Variants in PYCR2 observed in about 807,000 individuals in gnomAD.
PYCR2 encodes the protein P5C reductase 2.
Under a neutral mutation model 23.4 loss-of-function variants are expected in PYCR2, and 17 were observed. The ratio of observed to expected loss-of-function variants is 0.73; its 90% CI spans 0.50 to 1.09. The LOEUF (loss-of-function observed/expected upper bound fraction) is 1.09. PYCR2 is among the 50% of genes least tolerant of loss of function. The pLI is 0.00. For missense variants in PYCR2, 380 were observed against 423.5 expected, an observed-to-expected ratio of 0.90 and a Z score of 0.90; for synonymous variants, 172 against 176.6, an observed-to-expected ratio of 0.97 and a Z score of 0.21.
intron 3 of PYCR2, 22 bp downstream of exon 3, chr1:225,922,182 G>C (rs377019441): frequency 1.4e-5 from 23 of 1,609,164 alleles, no homozygotes; most frequent in Admixed American, 1.2e-4. Flanking sequence ...CACACAAGGG[G>C]CATCAGGGCT....
intron 2 of PYCR2, 54 bp from the exon 3 acceptor site, chr1:225,922,437 G>C (rs1671868471): frequency 6.4e-7 from 1 of 1,566,698 alleles, no homozygotes; most frequent in Non-Finnish European, 8.7e-7. Context: ...CTATGCCAAG[G>C]CCTCCCAGGG....
In PYCR2 at chr1:225,921,606, C is replaced by T. The variant is rs1671841865; in HGVS notation, c.579G>A (p.Val193=). The change falls in exon 5 of 7, where the codon GTG becomes GTA. Residue 193 remains valine, a synonymous_variant. Coordinates refer to ENST00000343818, the MANE Select transcript of PYCR2 (RefSeq NM_013328.4). This position sits in a 1 kb window ranked among gnomAD's most constrained non-coding sequence, Gnocchi z 4.2. ...CCAGGCGCCGTGGCAAACCCATCTT[C>T]ACCCCACCATCAGCCAATGCGTCCA... The part of the protein sequence containing the change: ...MALDALADGG[V]KMGLPRRLAI... 1.9e-6 allele frequency: 3 copies of T among 1,614,114 alleles called. No individual in the cohort carries two copies. The highest frequency in any genetic ancestry group is 3.3e-5 in the Admixed American group (2 of 60,002).
chr1:225,921,975 G>T lies in PYCR2; in HGVS notation c.423C>A (p.Ala141=). ...CCAGGAGCTGCCCATCCTCCACCAG[G>T]GCATGGGTGCCCGTGGCGTACACTG... ...GATVYATGTH[A]LVEDGQLLEQ... The change falls in exon 4 of 7, where the codon GCC becomes GCA. Residue 141 remains alanine, a synonymous_variant. Transcript: ENST00000343818. The surrounding 1 kb of genome is among the most constrained non-coding windows in gnomAD (Gnocchi z 4.2). 4.3e-6 allele frequency: 7 copies of T among 1,614,144 alleles called. No individual in the cohort carries two copies. Among genetic ancestry groups the T allele is most frequent in the Non-Finnish European group, 5.1e-6 (6 of 1,180,014 alleles).
rs901547800 is a variant in PYCR2, at chr1:225,920,017, G to A, written c.*438C>T. On this transcript the variant is annotated 3_prime_UTR_variant, in exon 7 of 7. Transcript: ENST00000343818. ...TTGTGATTAATTGTGACAATCTTAA[G>A]TTGCTCACTTCTTTCCCATTTACCA... is the stretch of plus-strand genomic sequence containing the variant. 1 of 155,586 alleles carries A rather than the reference G, an allele frequency of 6.4e-6. No individual in the cohort carries two copies. The highest frequency in any genetic ancestry group is 2.0e-4 in the South Asian group (1 of 5,080). 9.6% of individuals were successfully genotyped at this position (155,586 alleles called of 1,614,324 possible). A position where few individuals can be genotyped will look rare whatever the true frequency, so the allele number is the denominator to read the frequency against.
In PYCR2 at chr1:225,922,460, C is replaced by T. The variant is rs748871972; in HGVS notation, c.139-77G>A. 465 of 1,482,312 alleles carry T rather than the reference C, an allele frequency of 3.1e-4. 2 individuals are homozygous for T. Among genetic ancestry groups the T allele is most frequent in the Non-Finnish European group, 3.8e-4 (418 of 1,089,514 alleles). 91.8% of individuals were successfully genotyped at this position (1,482,312 alleles called of 1,614,324 possible). On this transcript the variant is annotated intron_variant, in intron 2 of 6. Transcript: ENST00000343818. ...AGGCCTCCCAGGGAGCAGCTGAACC[C>T]CTGCCAAACCGATTCTGCCAGATGC...
chr1:225,920,275 G>C lies in PYCR2; in HGVS notation c.*180C>G. On this transcript the variant is annotated 3_prime_UTR_variant, in exon 7 of 7. Transcript: ENST00000343818. ...CAACATGGGACAGGAGAGGAAGCTCGCATTGCTTGGTCTGAACAGATTTAA... is the reference window on the plus strand; with the variant it reads ...CAACATGGGACAGGAGAGGAAGCTCCCATTGCTTGGTCTGAACAGATTTAA... 2.1e-6 allele frequency: 1 copy of C among 485,130 alleles called. No homozygotes were observed. Among genetic ancestry groups the C allele is most frequent in the Admixed American group, 3.9e-5 (1 of 25,582 alleles). 30.1% of individuals were successfully genotyped at this position (485,130 alleles called of 1,614,324 possible). A position where few individuals can be genotyped will look rare whatever the true frequency, so the allele number is the denominator to read the frequency against.
At position 225,923,603 on chromosome 1, in the gene PYCR2, C is replaced by G. The variant is rs998881673; in HGVS notation, c.138+98G>C. 10 of 1,598,166 alleles carry G rather than the reference C, an allele frequency of 6.3e-6. No individual in the cohort carries two copies. In the Admixed American group the frequency reaches 1.7e-4, roughly 27 times the overall value. On this transcript the variant is annotated intron_variant, in intron 2 of 6. Coordinates refer to ENST00000343818, the MANE Select transcript of PYCR2 (RefSeq NM_013328.4). The stretch of plus-strand genomic sequence containing the variant: ...AGTAAAGGTCACCGCCGGCCAAAGA[C>G]CAGCACTTGGGCGCAGGGGCCGGCC...
rs752265630 is a variant in PYCR2, at chr1:225,921,977, C to A, written c.421G>T (p.Ala141Ser). ...GATVYATGTH[A>S]LVEDGQLLEQ... ...AGGAGCTGCCCATCCTCCACCAGGGCATGGGTGCCCGTGGCGTACACTGTA... is the reference window on the plus strand; with the variant it reads ...AGGAGCTGCCCATCCTCCACCAGGGAATGGGTGCCCGTGGCGTACACTGTA... Residue 141 changes from alanine (A) to serine (S), a missense_variant, in exon 4 of 7, where the codon GCC (alanine) becomes TCC (serine). Coordinates refer to ENST00000343818, the MANE Select transcript of PYCR2 (RefSeq NM_013328.4). This position sits in a 1 kb window ranked among gnomAD's most constrained non-coding sequence, Gnocchi z 4.2. 6.2e-7 allele frequency: 1 copy of A among 1,614,180 alleles called. No homozygotes were observed. The highest frequency in any genetic ancestry group is 1.1e-5 in the South Asian group (1 of 91,066).
rs41307726 is a variant in PYCR2 at position 225,921,199 on chromosome 1, T to C, written c.797+9A>G. The C allele has an allele frequency of 1.2e-6, 2 of 1,610,378 alleles. No individual in the cohort carries two copies. Among genetic ancestry groups the C allele is most frequent in the African/African-American group, 1.3e-5 (1 of 74,840 alleles). On this transcript the variant is annotated intron_variant, in intron 6 of 6. Transcript: ENST00000343818. The surrounding 1 kb of genome is among the most constrained non-coding windows in gnomAD (Gnocchi z 4.2). ...GGGTCTGGGACAGAAGTCCGCGGGATGGACTCACCGTGTTCGGATACAGGA... is the reference window on the plus strand; with the variant it reads ...GGGTCTGGGACAGAAGTCCGCGGGACGGACTCACCGTGTTCGGATACAGGA...
At chr1:225,922,671 G>A (rs958775570) in intron 2 of PYCR2, 1 of 427,960 alleles carries the variant, frequency 2.3e-6, no homozygotes, top group African/African-American at 2.0e-5. Flanking sequence ...CCTCTGCCAG[G>A]TAAGAAGGCC....
intron 2 of PYCR2, chr1:225,923,461 C>A (rs1576148738): frequency 7.3e-7 from 1 of 1,378,652 alleles, no homozygotes. Context: ...CACATAATCA[C>A]CTCAGTTAAT....
chr1:225,922,182 G>T (rs377019441), intron 3 of PYCR2, 22 bp downstream of exon 3: 1 of 1,609,282 alleles, frequency 6.2e-7, no homozygotes, highest in Admixed American at 1.7e-5. Flanking sequence ...CACACAAGGG[G>T]CATCAGGGCT....
In PYCR2 at chr1:225,924,077, C is replaced by A; in HGVS notation, c.34G>T (p.Ala12Ser). 1 of 1,545,482 alleles carries A rather than the reference C, an allele frequency of 6.5e-7. No homozygotes were observed. Among genetic ancestry groups the A allele is most frequent in the Non-Finnish European group, 8.7e-7 (1 of 1,148,308 alleles). The change falls in exon 1 of 7, where the codon GCC becomes TCC. Residue 12 changes from alanine (A) to serine (S), a missense_variant. Ala to Ser is a moderately conservative substitution (Grantham distance 99). Transcript: ENST00000343818. ...GTGAAGCCCCGCGCCAGAGCATAGG[C>A]CAGCTGGCCGGCCCCGATGAAGCCC... ...SVGFIGAGQL[A>S]YALARGFTAA...
chr1:225,923,960 T>G (rs1455461084), intron 1 of PYCR2, 84 bp downstream of exon 1: 1 of 1,506,454 alleles, frequency 6.6e-7, no homozygotes, highest in Non-Finnish European at 8.9e-7. Flanking sequence ...AAACTCCCCT[T>G]TCATTCGCTC....
chr1:225,921,081 C>T lies in PYCR2; in HGVS notation c.797+127G>A. 2.0e-6 allele frequency: 2 copies of T among 1,007,322 alleles called. No homozygotes were observed. The highest frequency in any genetic ancestry group is 2.9e-6 in the Non-Finnish European group (2 of 681,680). 62.4% of individuals were successfully genotyped at this position (1,007,322 alleles called of 1,614,324 possible). A position where few individuals can be genotyped will look rare whatever the true frequency, so the allele number is the denominator to read the frequency against. The stretch of plus-strand genomic sequence containing the variant: ...AAATCTACTAAGTTGTGGTTATTAA[C>T]AGAGCACAGACTCCAACACTGCTAA... On this transcript the variant is annotated intron_variant, in intron 6 of 6. Coordinates refer to ENST00000343818, the MANE Select transcript of PYCR2 (RefSeq NM_013328.4). This position sits in a 1 kb window ranked among gnomAD's most constrained non-coding sequence, Gnocchi z 4.2.
chr1:225,923,987 G>A (rs558963578), intron 1 of PYCR2, 57 bp downstream of exon 1: 289 of 1,525,102 alleles, frequency 1.9e-4, no homozygotes, highest in Non-Finnish European at 4.8e-5. Flanking sequence ...GTGGGACGGA[G>A]GCCCCCTCGG....
At chr1:225,923,437 C>T in intron 2 of PYCR2, 2 of 1,322,752 alleles carry the variant, frequency 1.5e-6, no homozygotes, top group Non-Finnish European at 1.9e-6. Flanking sequence ...CTACTATGTG[C>T]CAGGTGCTTT....
Position 225,921,723 on chromosome 1 carries a change from T to G in PYCR2, c.541-79A>C. 8 of 1,587,988 alleles carry G rather than the reference T, an allele frequency of 5.0e-6. No homozygotes were observed. The South Asian group carries it at 8.8e-5, about 18-fold the overall frequency. On this transcript the variant is annotated intron_variant, in intron 4 of 6. Coordinates refer to ENST00000343818, the MANE Select transcript of PYCR2 (RefSeq NM_013328.4). This position sits in a 1 kb window ranked among gnomAD's most constrained non-coding sequence, Gnocchi z 4.2. ...AGGTCTGCTTTCTGATGACTAGAAC[T>G]AGCTCCAAGGGTCAGCATCCTGTAC...
In PYCR2 at chr1:225,921,783, C is replaced by T. The variant is rs1403346928; in HGVS notation, c.540+75G>A. 1 of 1,597,294 alleles carries T rather than the reference C, an allele frequency of 6.3e-7. No individual in the cohort carries two copies. The highest frequency in any genetic ancestry group is 8.6e-7 in the Non-Finnish European group (1 of 1,168,668). ...GTGCCCAAGAGGTGGGCGCCACCCC[C>T]AGTCCAAGCCTGCCTGCCAGCCCAT... On this transcript the variant is annotated intron_variant, in intron 4 of 6. Transcript: ENST00000343818. This position sits in a 1 kb window ranked among gnomAD's most constrained non-coding sequence, Gnocchi z 4.2.
Sources: gnomAD v4.1 joint callset for allele counts on GRCh38, gnomAD v4.1.1 for gene constraint, Gnocchi (gnomAD v3.1) non-coding constraint, MANE v1.5 for transcripts, NCBI Gene and HGNC (gene_info 2026-07-23, HGNC 2026-07-21) for gene names.